CTNNA2: variants seen among roughly 807,000 people sequenced by gnomAD.
The protein encoded by CTNNA2 is catenin alpha 2, also known as catenin alpha-2.
A neutral mutation model predicts 101.0 loss-of-function variants in CTNNA2; 42 were observed. The observed-to-expected ratio is 0.42, with a 90% CI of 0.32 to 0.54. The LOEUF is 0.54. CTNNA2 is among the 20% of genes least tolerant of loss of function. The pLI is 0.14. For missense variants in CTNNA2, 871 were observed against 1,223.1 expected (o/e 0.71, Z 4.29); for synonymous variants, 450 against 456.4 (o/e 0.99, Z 0.18).
At chr2:79,759,452 C>T (rs2105075757) in intron 3 of CTNNA2, among the ~76,000 whole-genome samples, 1 of 152,052 alleles carries the variant, frequency 6.6e-6, no homozygotes, top group South Asian at 2.1e-4. Flanking sequence ...ACTTTTTCTC[C>T]CATACTTTTT....
chr2:80,120,253 C>T (rs728943), intron 7 of CTNNA2, among the ~76,000 whole-genome samples: 54,790 of 151,966 alleles, frequency 0.36, 10,889 homozygotes, highest in East Asian at 0.58. Flanking sequence ...TAAATATCTG[C>T]ACATAATTTC....
intron 3 of CTNNA2, among the ~76,000 whole-genome samples, chr2:79,371,825 A>G (rs923072707): frequency 2.0e-5 from 3 of 152,140 alleles, no homozygotes; most frequent in Non-Finnish European, 2.9e-5. Flanking sequence ...TGAAACCCGG[A>G]AATCTGCAGC....
At chr2:79,526,866 A>G (rs1672436084) in intron 1 of CTNNA2, among the ~76,000 whole-genome samples, 1 of 152,144 alleles carries the variant, frequency 6.6e-6, no homozygotes, top group Admixed American at 6.6e-5. Flanking sequence ...TAAATATGAG[A>G]GCTAACTATG....
intron 7 of CTNNA2, among the ~76,000 whole-genome samples, chr2:80,087,220 T>C (rs2148814462): frequency 6.6e-6 from 1 of 152,148 alleles, no homozygotes; most frequent in African/African-American, 2.4e-5. Flanking sequence ...TAGACAGTTG[T>C]GTCACTTTCT....
At chr2:80,420,438 G>C (rs1680427441) in intron 9 of CTNNA2, among the ~76,000 whole-genome samples, 2 of 152,058 alleles carry the variant, frequency 1.3e-5, no homozygotes, top group African/African-American at 4.8e-5. Context: ...ACTTTTACAG[G>C]CTCTGAGCAC....
At chr2:80,513,354 A>C (rs1688860692) in intron 9 of CTNNA2, among the ~76,000 whole-genome samples, 1 of 152,248 alleles carries the variant, frequency 6.6e-6, no homozygotes, top group Non-Finnish European at 1.5e-5. Flanking sequence ...AAGAAATAAC[A>C]GTTGTTTAGC....
At chr2:80,538,268 T>G (rs1459105797) in intron 9 of CTNNA2, among the ~76,000 whole-genome samples, 1 of 152,178 alleles carries the variant, frequency 6.6e-6, no homozygotes, top group Admixed American at 6.6e-5. Flanking sequence ...TACTATTGCT[T>G]TTGCTGTTTT....
In CTNNA2 at chr2:80,494,682, GGGACAGT is replaced by G. The variant is rs144509037; in HGVS notation, c.1291-50299_1291-50293del. On this transcript the variant is annotated intron_variant, in intron 9 of 18. Transcript: ENST00000402739. ...ACTGCTTACAGAAAAGCTAGACGAA[GGGACAGT>G]TTAGCTCATATTAAGTATGTCTTAT... Among the ~76,000 whole-genome samples the G allele has an allele frequency of 2.5e-3, 381 of 151,226 alleles. 3 individuals are homozygous for G. The highest frequency in any genetic ancestry group is 3.8e-3 in the African/African-American group (158 of 41,182).
intron 7 of CTNNA2, among the ~76,000 whole-genome samples, chr2:80,150,310 C>T (rs1703616951): frequency 6.6e-6 from 1 of 152,146 alleles, no homozygotes; most frequent in South Asian, 2.1e-4. Flanking sequence ...TACATCCTCT[C>T]AGGGACCCTG....
At chr2:80,477,708 GTAGTATTCCATGGTGTGAA>G (rs1685834661) in intron 9 of CTNNA2, among the ~76,000 whole-genome samples, 1 of 150,768 alleles carries the variant, frequency 6.6e-6, no homozygotes, top group Non-Finnish European at 1.5e-5. Flanking sequence ...TTATGGCTGA[GTAGTATTCCATGGTGTGAA>G]TGTGTGTGTG....
chr2:80,024,335 C>T (rs1339994357), intron 7 of CTNNA2, among the ~76,000 whole-genome samples: 1 of 152,106 alleles, frequency 6.6e-6, no homozygotes, highest in Non-Finnish European at 1.5e-5. Context: ...TAGAAGGCAG[C>T]CTCACTGAGA....
At chr2:80,528,622 C>G (rs1690246993) in intron 9 of CTNNA2, among the ~76,000 whole-genome samples, 1 of 152,102 alleles carries the variant, frequency 6.6e-6, no homozygotes, top group Non-Finnish European at 1.5e-5. Flanking sequence ...CTCCACACTT[C>G]AGGCATGATC....
chr2:79,949,791 A>T (rs777974376), intron 7 of CTNNA2, among the ~76,000 whole-genome samples: 1 of 152,176 alleles, frequency 6.6e-6, no homozygotes, highest in Non-Finnish European at 1.5e-5. Context: ...AAAAAAAAAC[A>T]TGGAGACTAA....
intron 4 of CTNNA2, among the ~76,000 whole-genome samples, chr2:79,501,546 A>AT (rs368662518): frequency 1.3e-5 from 2 of 152,086 alleles, no homozygotes; most frequent in Admixed American, 6.6e-5. Flanking sequence ...GTGGGGAAAG[A>AT]TTTTTTTTCT....
intron 18 of CTNNA2, among the ~76,000 whole-genome samples, chr2:80,622,187 G>A (rs966103409): frequency 6.6e-6 from 1 of 151,892 alleles, no homozygotes; most frequent in African/African-American, 2.4e-5. Context: ...AATTTAGGAG[G>A]CAGCAAGTGA....
chr2:80,434,266 C>T (rs1574031197), intron 9 of CTNNA2, among the ~76,000 whole-genome samples: 1 of 152,138 alleles, frequency 6.6e-6, no homozygotes, highest in Non-Finnish European at 1.5e-5. Context: ...TAATTTTCTA[C>T]TTATCGCTTC....
chr2:79,593,421 T>C (rs998453753), intron 1 of CTNNA2, among the ~76,000 whole-genome samples: 1 of 152,226 alleles, frequency 6.6e-6, no homozygotes, highest in African/African-American at 2.4e-5. Context: ...CTCTTAACAC[T>C]AGATTTTCTA....
intron 7 of CTNNA2, among the ~76,000 whole-genome samples, chr2:80,326,389 T>C (rs1972956): frequency 0.37 from 56,275 of 152,036 alleles, 11,649 homozygotes; most frequent in African/African-American, 0.56. Context: ...GTCATTCTTT[T>C]CATCCTCCAG....
At chr2:80,595,583 T>G (rs1332382122) in intron 15 of CTNNA2, among the ~76,000 whole-genome samples, 1 of 152,206 alleles carries the variant, frequency 6.6e-6, no homozygotes, top group Admixed American at 6.5e-5. Flanking sequence ...TATTCACCAT[T>G]GAGTATGAAT....
Sources: gnomAD v4.1 joint callset for allele counts (sites outside exome capture counted in the v4.1 genomes callset) on GRCh38, gnomAD v4.1.1 for gene constraint, MANE v1.5 for transcripts, NCBI Gene and HGNC (gene_info 2026-07-23, HGNC 2026-07-21) for gene names.